Variants in ERC2 observed in about 807,000 individuals in gnomAD.
ERC2 encodes the protein ELKS/RAB6-interacting/CAST family member 2.
In ERC2, 42 loss-of-function variants were observed where a neutral mutation model predicts 114.8. That is an observed-to-expected ratio of 0.37 (90% CI 0.29 to 0.47). ERC2 has a LOEUF of 0.47. ERC2 is among the 20% of genes least tolerant of loss of function. The pLI is 0.99. For missense variants in ERC2, 939 were observed against 1,150.7 expected, an observed-to-expected ratio of 0.82 and a Z score of 2.66; for synonymous variants, 454 against 425.5, an observed-to-expected ratio of 1.07 and a Z score of -0.82.
intron 5 of ERC2, among the ~76,000 whole-genome samples, chr3:56,146,815 C>A (rs2081166506): frequency 6.6e-6 from 1 of 152,204 alleles, no homozygotes; most frequent in African/African-American, 2.4e-5. Context: ...TCAGCCTGCA[C>A]TCTTTCCACC....
intron 13 of ERC2, among the ~76,000 whole-genome samples, chr3:55,940,498 C>T (rs1576289843): frequency 6.6e-6 from 1 of 152,156 alleles, no homozygotes; most frequent in South Asian, 2.1e-4. Flanking sequence ...ATTGTTACCT[C>T]TTTCAAATAC....
At chr3:56,249,265 C>T (rs957669121) in intron 3 of ERC2, among the ~76,000 whole-genome samples, 1 of 152,144 alleles carries the variant, frequency 6.6e-6, no homozygotes, top group African/African-American at 2.4e-5. Flanking sequence ...GCTGGTAAAA[C>T]ATGAGGCATG....
intron 17 of ERC2, among the ~76,000 whole-genome samples, chr3:55,603,597 T>C (rs1317162898): frequency 7.0e-6 from 1 of 143,540 alleles, no homozygotes; most frequent in Non-Finnish European, 1.5e-5. Context: ...TGAGCTGAGA[T>C]AGTGCCACTG....
At chr3:55,994,085 G>A (rs114837355) in intron 10 of ERC2, among the ~76,000 whole-genome samples, 145 of 152,184 alleles carry the variant, frequency 9.5e-4, no homozygotes, top group African/African-American at 3.3e-3. Context: ...GAAAAACTTC[G>A]TGTTAACCTC....
At chr3:56,454,730 A>G (rs374997550) in intron 1 of ERC2, among the ~76,000 whole-genome samples, 4 of 152,078 alleles carry the variant, frequency 2.6e-5, no homozygotes, top group Non-Finnish European at 2.9e-5. Flanking sequence ...ATGCACCTGT[A>G]GTCCTAGCTA....
chr3:55,637,655 A>G (rs1342483095), intron 17 of ERC2, among the ~76,000 whole-genome samples: 2 of 152,192 alleles, frequency 1.3e-5, no homozygotes, highest in African/African-American at 4.8e-5. Flanking sequence ...ATGCAGTACA[A>G]TTTGCAAGCA....
At chr3:56,184,793 C>T (rs1227193637) in intron 3 of ERC2, among the ~76,000 whole-genome samples, 2 of 152,176 alleles carry the variant, frequency 1.3e-5, no homozygotes, top group Non-Finnish European at 2.9e-5. Flanking sequence ...GATAGAACCC[C>T]ACTCATTTTG....
chr3:56,025,675 G>T (rs1014427855), intron 7 of ERC2, among the ~76,000 whole-genome samples: 2 of 152,120 alleles, frequency 1.3e-5, no homozygotes, highest in African/African-American at 4.8e-5. Flanking sequence ...TGATTAGGTA[G>T]GGCCAACACA....
chr3:55,777,468 C>T (rs1277563313), intron 14 of ERC2, among the ~76,000 whole-genome samples: 2 of 152,220 alleles, frequency 1.3e-5, no homozygotes, highest in East Asian at 1.9e-4. Flanking sequence ...TACAGGCACC[C>T]CTGTGGGCTG....
At chr3:55,864,128 CATATATATATACATAT>C (rs2062162151) in intron 14 of ERC2, among the ~76,000 whole-genome samples, 3 of 115,258 alleles carry the variant, frequency 2.6e-5, no homozygotes, top group Admixed American at 8.1e-5. Flanking sequence ...TACACACACA[CATATATATATACATAT>C]ATATATATAT....
chr3:56,145,884 T>G (rs1472517188), intron 5 of ERC2, among the ~76,000 whole-genome samples: 1 of 152,158 alleles, frequency 6.6e-6, no homozygotes. Flanking sequence ...CACCCTTCCA[T>G]GTGCCTATTT....
intron 17 of ERC2, among the ~76,000 whole-genome samples, chr3:55,668,343 G>C (rs1193620924): frequency 6.6e-6 from 1 of 152,196 alleles, no homozygotes; most frequent in Admixed American, 6.5e-5. Flanking sequence ...TTCTACCTCT[G>C]AGTTGTGTGA....
At chr3:56,119,241 T>C (rs2079435726) in intron 6 of ERC2, among the ~76,000 whole-genome samples, 2 of 152,214 alleles carry the variant, frequency 1.3e-5, no homozygotes, top group South Asian at 4.1e-4. Context: ...TCTGACATAA[T>C]TACTACCACA....
chr3:55,897,646 T>G (rs971385739), intron 13 of ERC2, among the ~76,000 whole-genome samples: 2 of 152,152 alleles, frequency 1.3e-5, no homozygotes, highest in African/African-American at 4.8e-5. Flanking sequence ...AAGGTGAAGA[T>G]AAACGCTTAA....
chr3:55,677,657 A>C (rs764611246), intron 17 of ERC2, among the ~76,000 whole-genome samples: 13 of 152,146 alleles, frequency 8.5e-5, no homozygotes, highest in Non-Finnish European at 1.5e-4. Context: ...ATCCAAACCT[A>C]GGTCTATCTG....
At chr3:56,324,717 C>A (rs1047361156) in intron 2 of ERC2, among the ~76,000 whole-genome samples, 1 of 152,132 alleles carries the variant, frequency 6.6e-6, no homozygotes, top group Non-Finnish European at 1.5e-5. Flanking sequence ...GCCACAGAAA[C>A]AAGATGTAAC....
At chr3:55,657,223 A>C (rs1477324393) in intron 17 of ERC2, 1 of 150,910 alleles carries the variant, frequency 6.6e-6, no homozygotes, top group East Asian at 1.9e-4. Flanking sequence ...TTTTGCTGTC[A>C]ATACATTCAG....
chr3:55,765,914 T>C (rs1211987284), intron 14 of ERC2, among the ~76,000 whole-genome samples: 2 of 152,184 alleles, frequency 1.3e-5, no homozygotes, highest in East Asian at 3.8e-4. Context: ...GAAATCCTAA[T>C]AGAATGAGAG....
At chr3:55,794,571 T>C (rs2070323046) in intron 14 of ERC2, among the ~76,000 whole-genome samples, 1 of 152,212 alleles carries the variant, frequency 6.6e-6, no homozygotes, top group Non-Finnish European at 1.5e-5. Flanking sequence ...ATACAAGAGA[T>C]GTATGTCAAA....
Sources: allele counts gnomAD v4.1 joint callset (sites outside exome capture counted in the v4.1 genomes callset), GRCh38; gene constraint gnomAD v4.1.1; transcripts MANE v1.5; gene names NCBI Gene and HGNC (gene_info 2026-07-23, HGNC 2026-07-21).